The following FIBCD1 variants were observed in gnomAD, a reference collection of about 807,000 sequenced individuals.
The protein encoded by FIBCD1 is fibrinogen C domain-containing protein 1.
FIBCD1 carries 47 observed loss-of-function variants against 45.1 expected under a neutral mutation model. That is an observed-to-expected ratio of 1.04 (90% confidence interval 0.82 to 1.33). The LOEUF (loss-of-function observed/expected upper bound fraction) is 1.33, where lower values mean the gene tolerates loss of function less well. FIBCD1 is among the 40% of genes most tolerant of loss of function. The probability of loss-of-function intolerance (pLI) is 0.00; values close to 1 mark genes in which losing one functional copy is unlikely to be tolerated. For synonymous variants in FIBCD1, 313 were observed against 308.1 expected, an observed-to-expected ratio of 1.02 and a Z score of -0.17; for missense variants, 653 against 682.2, an observed-to-expected ratio of 0.96 and a Z score of 0.48.
At chr9:130,932,730 A>G (rs528880220) in intron 1 of FIBCD1, among the ~76,000 whole-genome samples, 1 of 152,022 alleles carries the variant, frequency 6.6e-6, no homozygotes, top group Non-Finnish European at 1.5e-5. Flanking sequence ...GTGGCCTTTG[A>G]CTTCTTTTAC....
chr9:130,913,687 G>A (rs901129640), intron 4 of FIBCD1, among the ~76,000 whole-genome samples: 4 of 152,156 alleles, frequency 2.6e-5, no homozygotes, highest in African/African-American at 9.7e-5. Context: ...GAGCCGTATT[G>A]ATGGCCGCAT....
At chr9:130,918,788 A>G (rs972592354) in intron 4 of FIBCD1, among the ~76,000 whole-genome samples, 20 of 152,312 alleles carry the variant, frequency 1.3e-4, no homozygotes, top group Admixed American at 5.9e-4. Context: ...AGCTGAGTTC[A>G]AATCCTGACT....
intron 4 of FIBCD1, among the ~76,000 whole-genome samples, chr9:130,921,087 A>C (rs1588109404): frequency 6.6e-6 from 1 of 152,046 alleles, no homozygotes; most frequent in East Asian, 1.9e-4. Context: ...GGGGTGTATG[A>C]ACTGTAAAGT....
Position 130,924,387 on chromosome 9 carries a change from CAGAG to C in FIBCD1, c.558_561del (p.Ser187ArgfsTer10), listed in dbSNP as rs1564339026. 6.2e-7 allele frequency: 1 copy of C among 1,608,082 alleles called. No homozygotes were observed. Among genetic ancestry groups the C allele is most frequent in the Admixed American group, 1.7e-5 (1 of 59,510 alleles). ...AGGTGAGCCATGTGGCCCTGGCTCTCAGAGAGAAGCTGCGGAGCACAGGGGGTGA... is the reference window on the plus strand; with the variant it reads ...AGGTGAGCCATGTGGCCCTGGCTCTCAGAAGCTGCGGAGCACAGGGGGTGA... On this transcript the variant is annotated frameshift_variant, in exon 3 of 7. Transcript: ENST00000372338. LOFTEE classifies it high-confidence loss of function.
At chr9:130,924,448 GGTGGCGCACATAGCAGGTCA>G in intron 2 of FIBCD1, 52 bp from the exon 3 acceptor site, 1 of 1,523,060 alleles carries the variant, frequency 6.6e-7, no homozygotes, top group Non-Finnish European at 8.9e-7. Flanking sequence ...TTGGGGGTGG[GGTGGCGCACATAGCAGGTCA>G]CTGGCCAGAG....
intron 1 of FIBCD1, among the ~76,000 whole-genome samples, chr9:130,936,949 T>C (rs905465895): frequency 4.1e-5 from 6 of 146,932 alleles, no homozygotes; most frequent in Non-Finnish European, 8.9e-5. Flanking sequence ...TTTGAGTATA[T>C]GTAGGGTGTC....
intron 1 of FIBCD1, among the ~76,000 whole-genome samples, chr9:130,930,443 T>TGGGGAGAC (rs1832432350): frequency 6.9e-6 from 1 of 145,584 alleles, no homozygotes. Flanking sequence ...CATGGGGAGA[T>TGGGGAGAC]GCGGGGAGAC....
At chr9:130,927,225 G>A (rs139502494) in intron 2 of FIBCD1, among the ~76,000 whole-genome samples, 20 of 151,744 alleles carry the variant, frequency 1.3e-4, no homozygotes, top group African/African-American at 7.3e-5. Flanking sequence ...CATGGGTGAC[G>A]GAGTAAGACT....
intron 4 of FIBCD1, among the ~76,000 whole-genome samples, chr9:130,912,463 T>G (rs570739643): frequency 2.0e-4 from 30 of 149,240 alleles, no homozygotes; most frequent in African/African-American, 7.2e-4. Context: ...TCCCAGAACT[T>G]TGGGAGGCCG....
intron 4 of FIBCD1, among the ~76,000 whole-genome samples, chr9:130,915,284 T>C (rs1047789924): frequency 2.0e-5 from 3 of 152,208 alleles, no homozygotes; most frequent in Non-Finnish European, 2.9e-5. Flanking sequence ...GGCTCCTCCT[T>C]GGTGCCGATC....
At position 130,935,479 on chromosome 9, in the gene FIBCD1, G is replaced by A. The variant is rs542883670; in HGVS notation, c.72+3057C>T. Among the ~76,000 whole-genome samples, 22 of 152,336 alleles carry A rather than the reference G, an allele frequency of 1.4e-4. 1 individual carries two copies. In the South Asian group the frequency reaches 3.3e-3, roughly 23 times the overall value. On this transcript the variant is annotated intron_variant, in intron 1 of 6. Transcript: ENST00000372338. ...AGGACGCATTAACAAAGTCCAAATCGGCAACTTGTCCAAGGTCGCCCGACA... is the reference window on the plus strand; with the variant it reads ...AGGACGCATTAACAAAGTCCAAATCAGCAACTTGTCCAAGGTCGCCCGACA...
At chr9:130,919,197 T>A (rs1588108690) in intron 4 of FIBCD1, among the ~76,000 whole-genome samples, 2 of 152,096 alleles carry the variant, frequency 1.3e-5, no homozygotes, top group South Asian at 4.1e-4. Flanking sequence ...CCCAAACTGC[T>A]CCCCACGGAG....
At chr9:130,934,512 C>G (rs1832490140) in intron 1 of FIBCD1, among the ~76,000 whole-genome samples, 1 of 152,188 alleles carries the variant, frequency 6.6e-6, no homozygotes, top group Non-Finnish European at 1.5e-5. Context: ...CTCCCAGCCT[C>G]TGCCCCTCCG....
intron 1 of FIBCD1, among the ~76,000 whole-genome samples, chr9:130,931,280 C>T (rs1054664358): frequency 3.3e-5 from 5 of 152,302 alleles, no homozygotes; most frequent in South Asian, 2.1e-4. Flanking sequence ...GAGGCCGAGG[C>T]GGGCAGATCA....
At position 130,904,025 on chromosome 9, in the gene FIBCD1, C is replaced by T. The variant is rs780358769; in HGVS notation, c.*39G>A. 3.9e-5 allele frequency: 62 copies of T among 1,602,552 alleles called. No individual in the cohort carries two copies. The highest frequency in any genetic ancestry group is 1.4e-4 in the East Asian group (6 of 44,344). On this transcript the variant is annotated 3_prime_UTR_variant, in exon 7 of 7. Transcript: ENST00000372338. ...GAGTGAGGTGGGGTCGGGGATGGGG[C>T]GACAGGGACCAGCAGGGCCAAGGAC...
At position 130,923,792 on chromosome 9, in the gene FIBCD1, G is replaced by A. The variant is rs766842856; in HGVS notation, c.801C>T (p.Ala267=). The A allele has an allele frequency of 9.3e-6, 15 of 1,612,776 alleles. No individual in the cohort carries two copies. The Admixed American group carries it at 1.0e-4, about 11-fold the overall frequency. Residue 267 remains alanine (A), a synonymous_variant, in exon 4 of 7, where the codon GCC becomes GCT. Transcript: ENST00000372338. ...GCATGTCACAGTACACCTGGAAGCC[G>A]GCCGGGTAGTGGGTGGGAAAGACAG... ...VYSVFPTHYP[A]GFQVYCDMRT...
At chr9:130,936,687 C>A (rs1287941222) in intron 1 of FIBCD1, among the ~76,000 whole-genome samples, 1 of 152,220 alleles carries the variant, frequency 6.6e-6, no homozygotes, top group Non-Finnish European at 1.5e-5. Context: ...CTGGCCGAAG[C>A]GTCATGCAGT....
At chr9:130,924,900 C>T (rs1832332581) in intron 2 of FIBCD1, among the ~76,000 whole-genome samples, 1 of 152,192 alleles carries the variant, frequency 6.6e-6, no homozygotes, top group African/African-American at 2.4e-5. Context: ...GGGAGGTGCC[C>T]AGCACAGCGG....
intron 2 of FIBCD1, among the ~76,000 whole-genome samples, chr9:130,927,235 T>C (rs1185919167): frequency 6.7e-6 from 1 of 149,184 alleles, no homozygotes; most frequent in Admixed American, 6.6e-5. Flanking sequence ...GGAGTAAGAC[T>C]GTCTCGAAAA....
Sources: gnomAD v4.1 joint callset for allele counts (sites outside exome capture counted in the v4.1 genomes callset) on GRCh38, gnomAD v4.1.1 for gene constraint, MANE v1.5 for transcripts, NCBI Gene and HGNC (gene_info 2026-07-23, HGNC 2026-07-21) for gene names.